The following CAMKMT variants were observed in gnomAD, a reference collection of about 807,000 sequenced individuals.
The protein encoded by CAMKMT is calmodulin-lysine N-methyltransferase.
Under a neutral mutation model 48.0 loss-of-function variants are expected in CAMKMT, and 53 were observed. That is an observed-to-expected ratio of 1.10 (90% confidence interval 0.89 to 1.39). The LOEUF is 1.39. Among genes scored for constraint, CAMKMT ranks in the 40% most tolerant of loss-of-function variants. The pLI is 0.00. For synonymous variants in CAMKMT, 165 were observed against 152.3 expected (o/e 1.08, Z -0.61); for missense variants, 428 against 402.7 (o/e 1.06, Z -0.54).
At chr2:44,687,649 C>G (rs115225706) in intron 3 of CAMKMT, among the ~76,000 whole-genome samples, 1 of 152,120 alleles carries the variant, frequency 6.6e-6, no homozygotes, top group Non-Finnish European at 1.5e-5. Context: ...GTTTCAAAAC[C>G]TATTATAATG....
At chr2:44,396,278 C>T (rs948897592) in intron 3 of CAMKMT, among the ~76,000 whole-genome samples, 1 of 90,000 alleles carries the variant, frequency 1.1e-5, no homozygotes, top group African/African-American at 5.5e-5. Flanking sequence ...GATTTAAAGA[C>T]CCTTTATTCA....
chr2:44,643,003 G>A (rs1178716320), intron 3 of CAMKMT, among the ~76,000 whole-genome samples: 1 of 152,074 alleles, frequency 6.6e-6, no homozygotes, highest in East Asian at 1.9e-4. Flanking sequence ...TAAAGGCAAA[G>A]ACAGTAAAAT....
intron 3 of CAMKMT, among the ~76,000 whole-genome samples, chr2:44,525,514 A>G (rs1359129575): frequency 6.6e-6 from 1 of 152,172 alleles, no homozygotes; most frequent in Non-Finnish European, 1.5e-5. Context: ...TCGGCCTCCC[A>G]AAGTGCTGGG....
intron 3 of CAMKMT, among the ~76,000 whole-genome samples, chr2:44,437,699 A>G (rs1193458236): frequency 6.6e-6 from 1 of 152,064 alleles, no homozygotes; most frequent in Non-Finnish European, 1.5e-5. Context: ...AATTATAAAA[A>G]TCATTTGGGC....
chr2:44,496,621 C>G (rs1018507906), intron 3 of CAMKMT, among the ~76,000 whole-genome samples: 1 of 152,178 alleles, frequency 6.6e-6, no homozygotes, highest in Non-Finnish European at 1.5e-5. Context: ...ATGAGATAAC[C>G]AAGCCTTTTA....
At chr2:44,498,560 G>A (rs573070640) in intron 3 of CAMKMT, among the ~76,000 whole-genome samples, 2 of 152,262 alleles carry the variant, frequency 1.3e-5, no homozygotes, top group African/African-American at 4.8e-5. Flanking sequence ...TAGCAGTTCT[G>A]TTAGCAGTGG....
At chr2:44,383,787 G>C (rs1033202209) in intron 2 of CAMKMT, among the ~76,000 whole-genome samples, 17 of 152,156 alleles carry the variant, frequency 1.1e-4, no homozygotes, top group African/African-American at 4.1e-4. Flanking sequence ...ATCCCATCCA[G>C]GTCACTGCAA....
chr2:44,372,721 G>C lies in CAMKMT; in HGVS notation c.144G>C (p.Leu48=). ...AARWKLLRQV[L]KQKHLDDCLR... The stretch of plus-strand genomic sequence containing the variant: ...TATTTGGCTTTATTTCAAAGGTTCT[G>C]AAGCAAAAACACCTGGATGATTGCC... Residue 48 remains leucine, a synonymous_variant, in exon 2 of 11, where the codon CTG becomes CTC. Transcript: ENST00000378494. 1 of 1,611,784 alleles carries C rather than the reference G, an allele frequency of 6.2e-7. No homozygotes were observed. The highest frequency in any genetic ancestry group is 8.5e-7 in the Non-Finnish European group (1 of 1,179,186).
At chr2:44,470,780 G>A (rs183820451) in intron 3 of CAMKMT, among the ~76,000 whole-genome samples, 4 of 152,074 alleles carry the variant, frequency 2.6e-5, no homozygotes, top group East Asian at 3.9e-4. Context: ...ACCTTATTGA[G>A]TTCTTATTTA....
chr2:44,363,599 C>G (rs778171822), intron 1 of CAMKMT, among the ~76,000 whole-genome samples: 3 of 151,238 alleles, frequency 2.0e-5, no homozygotes, highest in Non-Finnish European at 4.4e-5. Flanking sequence ...AAGCTGGTCT[C>G]GAACTCCCCA....
At chr2:44,368,222 G>A (rs1678815151) in intron 1 of CAMKMT, among the ~76,000 whole-genome samples, 1 of 152,068 alleles carries the variant, frequency 6.6e-6, no homozygotes, top group South Asian at 2.1e-4. Context: ...AATTTCATTT[G>A]AATATTATTT....
intron 3 of CAMKMT, among the ~76,000 whole-genome samples, chr2:44,459,164 G>T (rs759855883): frequency 6.6e-5 from 10 of 151,962 alleles, no homozygotes; most frequent in Non-Finnish European, 1.5e-4. Flanking sequence ...ATAGTTGTAA[G>T]CACTATGTAA....
intron 3 of CAMKMT, among the ~76,000 whole-genome samples, chr2:44,644,852 G>A (rs1157089572): frequency 1.3e-5 from 2 of 152,184 alleles, no homozygotes; most frequent in East Asian, 3.9e-4. Flanking sequence ...ACATTTTTAT[G>A]CTAGTGGTTT....
chr2:44,417,175 C>T (rs912152444), intron 3 of CAMKMT, among the ~76,000 whole-genome samples: 5 of 151,762 alleles, frequency 3.3e-5, no homozygotes, highest in Non-Finnish European at 7.4e-5. Flanking sequence ...GCGCGGATCA[C>T]GAGGTCAGGA....
At chr2:44,578,061 T>A (rs1373294291) in intron 3 of CAMKMT, among the ~76,000 whole-genome samples, 1 of 152,158 alleles carries the variant, frequency 6.6e-6, no homozygotes, top group Non-Finnish European at 1.5e-5. Flanking sequence ...TGTGTATGCT[T>A]TTCTCTTGTA....
chr2:44,730,105 C>G (rs573571794), intron 7 of CAMKMT, among the ~76,000 whole-genome samples: 8 of 152,274 alleles, frequency 5.3e-5, no homozygotes, highest in African/African-American at 1.9e-4. Context: ...AAGATGGTAT[C>G]AGATAGATAG....
intron 7 of CAMKMT, among the ~76,000 whole-genome samples, chr2:44,721,971 C>G (rs1678486216): frequency 6.6e-6 from 1 of 152,148 alleles, no homozygotes; most frequent in Admixed American, 6.5e-5. Flanking sequence ...TTTGCTTATT[C>G]TGGACATTTC....
intron 3 of CAMKMT, among the ~76,000 whole-genome samples, chr2:44,510,769 C>G (rs948951253): frequency 1.3e-5 from 2 of 152,088 alleles, no homozygotes; most frequent in African/African-American, 4.8e-5. Flanking sequence ...ACGGTATACA[C>G]TGTACCCAGT....
At chr2:44,482,063 G>A (rs1305842767) in intron 3 of CAMKMT, among the ~76,000 whole-genome samples, 1 of 151,986 alleles carries the variant, frequency 6.6e-6, no homozygotes, top group Non-Finnish European at 1.5e-5. Context: ...TGTTTGAAAG[G>A]ATAGAATATA....
Sources: gnomAD v4.1 joint callset for allele counts (sites outside exome capture counted in the v4.1 genomes callset) on GRCh38, gnomAD v4.1.1 for gene constraint, MANE v1.5 for transcripts, NCBI Gene and HGNC (gene_info 2026-07-23, HGNC 2026-07-21) for gene names.